The following RBM19 variants were observed in gnomAD, a reference collection of about 807,000 sequenced individuals.
RBM19 encodes the protein probable RNA-binding protein 19.
In RBM19, 94 loss-of-function variants were observed where a neutral mutation model predicts 116.8. That is an observed-to-expected ratio of 0.80 (90% CI 0.68 to 0.95). RBM19 has a LOEUF of 0.95. RBM19 is among the 40% of genes least tolerant of loss of function. RBM19 has a pLI of 0.00. For synonymous variants in RBM19, 475 were observed against 494.1 expected (o/e 0.96, Z 0.51); for missense variants, 1,161 against 1,220.7 (o/e 0.95, Z 0.73).
downstream of RBM19, chr12:113,817,914 G>C (rs1172485879): frequency 6.6e-6 from 1 of 152,134 alleles, no homozygotes; most frequent in Non-Finnish European, 1.5e-5. Context: ...GGCCCACATG[G>C]TGAAACCCTG....
intron 23 of RBM19, among the ~76,000 whole-genome samples, chr12:113,829,383 G>T (rs1875168100): frequency 6.6e-6 from 1 of 152,208 alleles, no homozygotes; most frequent in Non-Finnish European, 1.5e-5. Flanking sequence ...CCGCAGACTG[G>T]CCTCTGCCAC....
At chr12:113,932,306 C>G (rs1340581604) in intron 16 of RBM19, among the ~76,000 whole-genome samples, 1 of 152,246 alleles carries the variant, frequency 6.6e-6, no homozygotes, top group Non-Finnish European at 1.5e-5. Flanking sequence ...AGACCTGAGC[C>G]TGGGCCTGCA....
intron 21 of RBM19, among the ~76,000 whole-genome samples, chr12:113,890,397 G>C (rs1406198014): frequency 6.6e-6 from 1 of 152,120 alleles, no homozygotes; most frequent in Non-Finnish European, 1.5e-5. Flanking sequence ...TCAGCATCCT[G>C]CCATAGGTGT....
At chr12:113,887,467 C>T (rs1055225943) in intron 21 of RBM19, among the ~76,000 whole-genome samples, 5 of 151,798 alleles carry the variant, frequency 3.3e-5, no homozygotes, top group African/African-American at 1.2e-4. Context: ...GAAACCCCGT[C>T]TCTGCTAAAA....
chr12:113,865,840 G>A (rs4766703), intron 21 of RBM19, among the ~76,000 whole-genome samples: 26,381 of 149,362 alleles, frequency 0.18, 2,978 homozygotes, highest in East Asian at 0.47. Flanking sequence ...AAAAAAAAAG[G>A]GGGCAGGGGG....
intron 1 of RBM19, among the ~76,000 whole-genome samples, chr12:113,964,951 A>C (rs1872750459): frequency 6.6e-6 from 1 of 151,466 alleles, no homozygotes; most frequent in Non-Finnish European, 1.5e-5. Context: ...AAAAAAAAAA[A>C]GGAAAGGAAA....
chr12:113,960,016 C>G, intron 3 of RBM19, 43 bp downstream of exon 3: 1 of 1,614,042 alleles, frequency 6.2e-7, no homozygotes, highest in Non-Finnish European at 8.5e-7. Context: ...AGTGACTACC[C>G]TGCTGGCAGT....
intron 23 of RBM19, among the ~76,000 whole-genome samples, chr12:113,824,743 G>C (rs924815898): frequency 5.3e-5 from 8 of 152,148 alleles, no homozygotes; most frequent in Admixed American, 5.2e-4. Flanking sequence ...TCACCTCTCT[G>C]AGCCTGTTTC....
At chr12:113,827,190 A>T (rs1479461708) in intron 23 of RBM19, among the ~76,000 whole-genome samples, 1 of 152,198 alleles carries the variant, frequency 6.6e-6, no homozygotes, top group Non-Finnish European at 1.5e-5. Context: ...TAAAATAAAT[A>T]AACGAAACAA....
chr12:113,847,569 G>A (rs1216996748), intron 22 of RBM19, among the ~76,000 whole-genome samples: 1 of 152,006 alleles, frequency 6.6e-6, no homozygotes. Flanking sequence ...TGTGGCGGAT[G>A]TTCCATCCTC....
intron 13 of RBM19, among the ~76,000 whole-genome samples, chr12:113,943,908 T>G (rs756427510): frequency 6.6e-6 from 1 of 152,064 alleles, no homozygotes. Context: ...TTTAGCCTTT[T>G]AAACATGTGG....
At chr12:113,919,526 G>T (rs1019432016) in intron 19 of RBM19, among the ~76,000 whole-genome samples, 2 of 152,182 alleles carry the variant, frequency 1.3e-5, no homozygotes. Flanking sequence ...AGCCGAGATC[G>T]CGCCACTGCA....
intron 21 of RBM19, among the ~76,000 whole-genome samples, chr12:113,895,546 A>G (rs1881261179): frequency 3.3e-5 from 5 of 152,226 alleles, no homozygotes; most frequent in Admixed American, 3.3e-4. Context: ...TACAGAAAAC[A>G]CGACATCATT....
chr12:113,955,333 T>C, intron 6 of RBM19, 122 bp from the exon 7 acceptor site: 4 of 935,054 alleles, frequency 4.3e-6, no homozygotes, highest in Non-Finnish European at 6.8e-6. Flanking sequence ...AGCTGGGGAA[T>C]GCTGGGAAGA....
intron 22 of RBM19, among the ~76,000 whole-genome samples, chr12:113,854,595 C>G (rs969925609): frequency 6.6e-6 from 1 of 152,112 alleles, no homozygotes. Context: ...ATTTACTGCC[C>G]GGGACATCAG....
intron 23 of RBM19, among the ~76,000 whole-genome samples, chr12:113,829,441 C>T (rs1158087527): frequency 6.6e-6 from 1 of 152,228 alleles, no homozygotes; most frequent in Non-Finnish European, 1.5e-5. Context: ...GTGTTCCCAC[C>T]TGTTAAACGG....
chr12:113,852,695 G>A (rs1408157981), intron 22 of RBM19, among the ~76,000 whole-genome samples: 1 of 152,186 alleles, frequency 6.6e-6, no homozygotes, highest in Non-Finnish European at 1.5e-5. Context: ...GCAACATTCT[G>A]CTTCATCTTC....
At position 113,844,644 on chromosome 12, in the gene RBM19, C is replaced by T. The variant is rs374598452; in HGVS notation, c.2785+24G>A. 1.4e-5 allele frequency: 22 copies of T among 1,597,656 alleles called. No individual in the cohort carries two copies. In the African/African-American group the frequency reaches 2.7e-4, roughly 19 times the overall value. On this transcript the variant is annotated intron_variant, in intron 23 of 23. Transcript: ENST00000261741. ...GTTCCCCAGGGGGCCCATGAGTCAG[C>T]CCAAAAGACCGTCCCGCTCCTACCG...
At chr12:113,851,784 T>A (rs1877469331) in intron 22 of RBM19, among the ~76,000 whole-genome samples, 1 of 151,274 alleles carries the variant, frequency 6.6e-6, no homozygotes, top group Non-Finnish European at 1.5e-5. Flanking sequence ...GTGCGGTGGC[T>A]CACGCCTGTA....
Sources: gnomAD v4.1 joint callset for allele counts (sites outside exome capture counted in the v4.1 genomes callset) on GRCh38, gnomAD v4.1.1 for gene constraint, MANE v1.5 for transcripts, NCBI Gene and HGNC (gene_info 2026-07-23, HGNC 2026-07-21) for gene names.